The following DENND1A variants were observed in gnomAD, a reference collection of about 807,000 sequenced individuals.
DENND1A encodes DENN domain-containing protein 1A.
A neutral mutation model predicts 113.7 loss-of-function variants in DENND1A; 51 were observed. That is an observed-to-expected ratio of 0.45 (90% CI 0.36 to 0.57). The LOEUF (loss-of-function observed/expected upper bound fraction) is 0.57, where lower values mean the gene tolerates loss of function less well. DENND1A is among the 20% of genes least tolerant of loss of function. The pLI is 0.00. For missense variants in DENND1A, 1,258 were observed against 1,395.9 expected (o/e 0.90, Z 1.57); for synonymous variants, 565 against 570.8 (o/e 0.99, Z 0.14).
intron 2 of DENND1A, chr9:123,843,226 C>CT: frequency 1.9e-6 from 1 of 520,170 alleles, no homozygotes; most frequent in Non-Finnish European, 3.8e-6. Context: ...GTAGTGAAAC[C>CT]AAATGCATCC....
At chr9:123,389,781 C>T (rs1364223454) in intron 21 of DENND1A, among the ~76,000 whole-genome samples, 1 of 152,254 alleles carries the variant, frequency 6.6e-6, no homozygotes, top group Admixed American at 6.5e-5. Flanking sequence ...TCTCACTCTG[C>T]AGCACTGACT....
rs2067897105 is a variant in DENND1A, at chr9:123,728,493, A to AAAAC, written c.302+29209_302+29210insGTTT. Among the ~76,000 whole-genome samples, 7 of 145,090 alleles carry AAAAC rather than the reference A, an allele frequency of 4.8e-5. 1 individual carries two copies. The highest frequency in any genetic ancestry group is 7.7e-5 in the African/African-American group (3 of 38,902). On this transcript the variant is annotated intron_variant, in intron 5 of 23. Transcript: ENST00000394215. ...ACTCTGTCTCCCAAAAAAAAAAAAA[A>AAAAC]AAAAAAAAAAAAAAAAACAGGCATC... is the stretch of plus-strand genomic sequence containing the variant.
intron 5 of DENND1A, among the ~76,000 whole-genome samples, chr9:123,717,885 A>G (rs978009084): frequency 6.6e-6 from 1 of 152,182 alleles, no homozygotes; most frequent in Non-Finnish European, 1.5e-5. Flanking sequence ...GCATGGTCCA[A>G]ATTTTTGCAA....
At chr9:123,777,049 G>A (rs1330612815) in intron 3 of DENND1A, among the ~76,000 whole-genome samples, 1 of 152,168 alleles carries the variant, frequency 6.6e-6, no homozygotes, top group Non-Finnish European at 1.5e-5. Flanking sequence ...ATACTTGGAC[G>A]CTTTTATATT....
Position 123,686,994 on chromosome 9 carries a change from A to G in DENND1A, c.303-10205T>C, listed in dbSNP as rs547678827. 9.9e-5 allele frequency among the ~76,000 whole-genome samples: 15 copies of G among 152,256 alleles called. No individual in the cohort carries two copies. The South Asian group carries it at 3.1e-3, about 32-fold the overall frequency. On this transcript the variant is annotated intron_variant, in intron 5 of 23. Transcript: ENST00000394215. Reference sequence around the variant, plus strand: ...GTCTGGCTGTCTCTTAAACCCATTTACGCTCTATGCTTCAATGCCTTTCCT... The same window carrying G: ...GTCTGGCTGTCTCTTAAACCCATTTGCGCTCTATGCTTCAATGCCTTTCCT...
rs771953018 is a variant in DENND1A at position 123,382,262 on chromosome 9, C to T, written c.2383G>A (p.Val795Ile). The T allele has an allele frequency of 3.4e-5, 54 of 1,610,542 alleles. No homozygotes were observed. Among genetic ancestry groups the T allele is most frequent in the Middle Eastern group, 3.3e-4 (2 of 6,082 alleles). The change falls in exon 24 of 24, where the codon GTC (valine) becomes ATC (isoleucine). Residue 795 changes from valine (V) to isoleucine (I), a missense_variant. Physicochemically the swap from Val to Ile is conservative, Grantham distance 29 (BLOSUM62 3). Coordinates refer to ENST00000394215, the MANE Select transcript of DENND1A (RefSeq NM_001352964.2). ...LQAAGAALGD[V>I]SERLQTDRDR... is the part of the protein sequence containing the mutation. Reference sequence around the variant, plus strand: ...CGATCCGTCTGCAGCCGCTCTGAGACGTCACCAAGTGCGGCGCCGGCAGCC... The same window carrying T: ...CGATCCGTCTGCAGCCGCTCTGAGATGTCACCAAGTGCGGCGCCGGCAGCC...
intron 2 of DENND1A, among the ~76,000 whole-genome samples, chr9:123,814,042 A>T (rs1837068686): frequency 6.6e-6 from 1 of 152,210 alleles, no homozygotes; most frequent in Admixed American, 6.5e-5. Flanking sequence ...ATAACTACTT[A>T]CAGATTTTTA....
chr9:123,423,789 A>G (rs1421229922), intron 19 of DENND1A, among the ~76,000 whole-genome samples: 1 of 152,178 alleles, frequency 6.6e-6, no homozygotes, highest in African/African-American at 2.4e-5. Context: ...TCCTTGGCAT[A>G]ACAGGCCTAA....
intron 19 of DENND1A, among the ~76,000 whole-genome samples, chr9:123,438,934 C>T (rs559332469): frequency 2.6e-5 from 4 of 152,330 alleles, no homozygotes; most frequent in South Asian, 4.1e-4. Flanking sequence ...CCCTCTCCCC[C>T]GCCCCCTCTT....
At chr9:123,803,965 G>A (rs1264978791) in intron 2 of DENND1A, among the ~76,000 whole-genome samples, 2 of 152,148 alleles carry the variant, frequency 1.3e-5, no homozygotes, top group Non-Finnish European at 2.9e-5. Flanking sequence ...TCAATCTTTA[G>A]TCTTGATCTA....
At chr9:123,603,586 G>C (rs963648870) in intron 11 of DENND1A, among the ~76,000 whole-genome samples, 1 of 152,154 alleles carries the variant, frequency 6.6e-6, no homozygotes, top group Admixed American at 6.5e-5. Context: ...CCCATCACAC[G>C]CCTCTTGAAA....
At chr9:123,699,220 T>G (rs982552815) in intron 5 of DENND1A, among the ~76,000 whole-genome samples, 1 of 152,150 alleles carries the variant, frequency 6.6e-6, no homozygotes, top group African/African-American at 2.4e-5. Flanking sequence ...ATTCCAACAG[T>G]TGAGAATCAT....
intron 20 of DENND1A, among the ~76,000 whole-genome samples, chr9:123,404,106 A>T (rs1588358312): frequency 2.0e-5 from 3 of 152,248 alleles, no homozygotes; most frequent in Admixed American, 1.3e-4. Context: ...ACATGCACTG[A>T]GCAGACCTAG....
At chr9:123,509,530 T>C (rs538359664) in intron 13 of DENND1A, among the ~76,000 whole-genome samples, 3 of 152,328 alleles carry the variant, frequency 2.0e-5, no homozygotes, top group African/African-American at 7.2e-5. Flanking sequence ...TTTTGAGCCT[T>C]CTCTCTGGGT....
intron 13 of DENND1A, among the ~76,000 whole-genome samples, chr9:123,474,796 C>A (rs1396010921): frequency 1.3e-5 from 2 of 152,132 alleles, no homozygotes; most frequent in East Asian, 3.9e-4. Flanking sequence ...ATGTAAACTG[C>A]CTAGCATATA....
chr9:123,503,065 G>C (rs1420217456), intron 13 of DENND1A, among the ~76,000 whole-genome samples: 1 of 152,160 alleles, frequency 6.6e-6, no homozygotes, highest in Admixed American at 6.5e-5. Flanking sequence ...TTTGGGGAGA[G>C]TACATTAAAT....
At position 123,777,403 on chromosome 9, in the gene DENND1A, C is replaced by T. The variant is rs545568694; in HGVS notation, c.133-7840G>A. On this transcript the variant is annotated intron_variant, in intron 3 of 23. Coordinates refer to ENST00000394215, the MANE Select transcript of DENND1A (RefSeq NM_001352964.2). The stretch of plus-strand genomic sequence containing the variant: ...TAGGTAGACAGCTAGATGTAGCTAC[C>T]GAGTTTCCAGCTGCCTCTTCCTTTC... Among the ~76,000 whole-genome samples the T allele has an allele frequency of 3.3e-5, 5 of 152,288 alleles. No individual in the cohort carries two copies. The South Asian group carries it at 8.3e-4, about 25-fold the overall frequency.
intron 2 of DENND1A, among the ~76,000 whole-genome samples, chr9:123,851,795 A>G (rs1042369760): frequency 6.6e-6 from 1 of 152,256 alleles, no homozygotes; most frequent in African/African-American, 2.4e-5. Flanking sequence ...TGAAAGGAAC[A>G]AAGAAAATAC....
intron 21 of DENND1A, among the ~76,000 whole-genome samples, chr9:123,388,576 A>G (rs979252902): frequency 4.6e-5 from 7 of 152,186 alleles, no homozygotes; most frequent in African/African-American, 1.7e-4. Flanking sequence ...CTTCCCTCAG[A>G]TGCCTCTTCA....
Sources: gnomAD v4.1 joint callset for allele counts (sites outside exome capture counted in the v4.1 genomes callset) on GRCh38, gnomAD v4.1.1 for gene constraint, MANE v1.5 for transcripts, NCBI Gene and HGNC (gene_info 2026-07-23, HGNC 2026-07-21) for gene names.